The following NRP2 variants were observed in gnomAD, a reference collection of about 807,000 sequenced individuals.
NRP2 encodes neuropilin-2.
NRP2 carries 52 observed loss-of-function variants against 110.4 expected under a neutral mutation model. The observed-to-expected ratio is 0.47, with a 90% confidence interval of 0.38 to 0.59. NRP2 has a LOEUF of 0.59. Among genes scored for constraint, NRP2 ranks in the 20% least tolerant of loss-of-function variants. NRP2 has a pLI of 0.00. For synonymous variants in NRP2, 508 were observed against 468.9 expected (o/e 1.08, Z -1.08); for missense variants, 1,049 against 1,203.0 (o/e 0.87, Z 1.89).
At chr2:205,749,467 C>T (rs1283505838) in intron 10 of NRP2, among the ~76,000 whole-genome samples, 1 of 152,110 alleles carries the variant, frequency 6.6e-6, no homozygotes, top group Non-Finnish European at 1.5e-5. Flanking sequence ...GTGCTAAACT[C>T]GGGGCCTCTG....
chr2:205,777,113 TG>T, intron 15 of NRP2: 1 of 987,636 alleles, frequency 1.0e-6, no homozygotes, highest in South Asian at 4.7e-5. Flanking sequence ...GTACAAGTTT[TG>T]TTTACTTGGA....
rs995878424 is a variant in NRP2, at chr2:205,689,657, T to C, written c.73+6294T>C. The stretch of plus-strand genomic sequence containing the variant: ...CTGCTGAGTTCTTATCTTAGATTTA[T>C]GTCTCCCTTGCATTTTTTCCCTCCT... On this transcript the variant is annotated intron_variant, in intron 1 of 16. Transcript: ENST00000357785. 3.8e-4 allele frequency among the ~76,000 whole-genome samples: 58 copies of C among 152,366 alleles called. 1 individual carries two copies. Among genetic ancestry groups the C allele is most frequent in the African/African-American group, 1.3e-3 (54 of 41,580 alleles).
chr2:205,722,439 C>A (rs2105811117), intron 3 of NRP2, 39 bp from the exon 4 acceptor site: 1 of 1,485,726 alleles, frequency 6.7e-7, no homozygotes. Context: ...CAAAGAAAGG[C>A]ATCTTCTTCT....
At chr2:205,745,928 A>C (rs749465877) in intron 10 of NRP2, 38 bp downstream of exon 10, 3 of 1,612,548 alleles carry the variant, frequency 1.9e-6, no homozygotes, top group South Asian at 1.1e-5. Context: ...TCTCACCCAC[A>C]TGGTCCTCTG....
At chr2:205,773,799 A>G (rs1471980585) in intron 15 of NRP2, among the ~76,000 whole-genome samples, 1 of 152,220 alleles carries the variant, frequency 6.6e-6, no homozygotes, top group African/African-American at 2.4e-5. Flanking sequence ...GGCTGAAGGA[A>G]AGCAGACTTT....
At chr2:205,774,034 G>A (rs2058061560) in intron 15 of NRP2, among the ~76,000 whole-genome samples, 1 of 152,204 alleles carries the variant, frequency 6.6e-6, no homozygotes, top group South Asian at 2.1e-4. Flanking sequence ...CAAACCCCAG[G>A]ACACCCTTTG....
At chr2:205,710,650 A>G (rs1315433187) in intron 2 of NRP2, among the ~76,000 whole-genome samples, 1 of 152,240 alleles carries the variant, frequency 6.6e-6, no homozygotes, top group Non-Finnish European at 1.5e-5. Context: ...AACCGACCAG[A>G]GACCTCAGCA....
At chr2:205,779,053 A>T (rs959083648) in intron 15 of NRP2, 1 of 152,264 alleles carries the variant, frequency 6.6e-6, no homozygotes, top group East Asian at 1.9e-4. Flanking sequence ...ATTCTCTTCT[A>T]AGAAAAATAG....
chr2:205,741,323 G>C (rs942481017), intron 8 of NRP2, among the ~76,000 whole-genome samples: 2 of 152,244 alleles, frequency 1.3e-5, no homozygotes, highest in Non-Finnish European at 2.9e-5. Flanking sequence ...CTTTGAGGAG[G>C]TGATGATTGA....
chr2:205,775,055 C>T (rs542094388), intron 15 of NRP2, among the ~76,000 whole-genome samples: 1 of 152,182 alleles, frequency 6.6e-6, no homozygotes, highest in Non-Finnish European at 1.5e-5. Flanking sequence ...GCACTTCCCA[C>T]CCATGGCTCC....
At position 205,686,522 on chromosome 2, in the gene NRP2, A is replaced by T. The variant is rs2056167772; in HGVS notation, c.73+3159A>T. Reference sequence around the variant, plus strand: ...ATTGAAGGGCTGCCCCCGCCCTTCGACTCGGGCTGGCTGTGCCGGGGGTCT... The same window carrying T: ...ATTGAAGGGCTGCCCCCGCCCTTCGTCTCGGGCTGGCTGTGCCGGGGGTCT... On this transcript the variant is annotated intron_variant, in intron 1 of 16. Transcript: ENST00000357785. The surrounding 1 kb of genome is among the most constrained non-coding windows in gnomAD (Gnocchi z 4.7). Among the ~76,000 whole-genome samples, 1 of 151,936 alleles carries T rather than the reference A, an allele frequency of 6.6e-6. No homozygotes were observed. The highest frequency in any genetic ancestry group is 2.4e-5 in the African/African-American group (1 of 41,344).
chr2:205,742,279 A>G (rs1219869079), intron 8 of NRP2, among the ~76,000 whole-genome samples: 1 of 152,236 alleles, frequency 6.6e-6, no homozygotes, highest in African/African-American at 2.4e-5. Flanking sequence ...CATTTGTTCC[A>G]CACATCTGAT....
chr2:205,793,952 G>A (rs1366217914), intron 16 of NRP2, among the ~76,000 whole-genome samples: 1 of 152,076 alleles, frequency 6.6e-6, no homozygotes. Context: ...AACTCATCAT[G>A]TGCAAATAGT....
chr2:205,719,709 C>T (rs1373726015), intron 3 of NRP2, among the ~76,000 whole-genome samples: 2 of 152,156 alleles, frequency 1.3e-5, no homozygotes, highest in Admixed American at 1.3e-4. Context: ...AATTCAGGAA[C>T]TGAATTCACC....
At chr2:205,753,642 A>G (rs553651891) in intron 12 of NRP2, among the ~76,000 whole-genome samples, 72 of 152,374 alleles carry the variant, frequency 4.7e-4, no homozygotes, top group African/African-American at 1.6e-3. Context: ...ACAGGTAGCA[A>G]GAGTTGTCTG....
chr2:205,693,980 G>T (rs1470815167), intron 1 of NRP2, among the ~76,000 whole-genome samples: 2 of 152,156 alleles, frequency 1.3e-5, no homozygotes, highest in Non-Finnish European at 2.9e-5. Context: ...TTTCTAGAAG[G>T]CAGACCAGAT....
At chr2:205,740,854 C>A (rs1298663441) in intron 8 of NRP2, among the ~76,000 whole-genome samples, 191 bp downstream of exon 8, 1 of 152,208 alleles carries the variant, frequency 6.6e-6, no homozygotes, top group Admixed American at 6.5e-5. Flanking sequence ...TCTACGATTT[C>A]TATTAATAGC....
In NRP2 at chr2:205,736,785, G is replaced by A. The variant is rs151193743; in HGVS notation, c.1147-3734G>A. Among the ~76,000 whole-genome samples, 15 of 152,272 alleles carry A rather than the reference G, an allele frequency of 9.9e-5. No homozygotes were observed. The East Asian group carries it at 1.7e-3, about 18-fold the overall frequency. ...TAGGGAATAAAACCAATTTCCTGGC[G>A]TCATTTCCCATGCACACAACCCCTT... On this transcript the variant is annotated intron_variant, in intron 7 of 16. Transcript: ENST00000357785.
intron 1 of NRP2, among the ~76,000 whole-genome samples, chr2:205,689,797 G>A (rs1322961640): frequency 6.6e-6 from 1 of 151,940 alleles, no homozygotes; most frequent in African/African-American, 2.4e-5. Context: ...AGGGAACACC[G>A]TGTTTAAGGC....
Sources: allele counts gnomAD v4.1 joint callset (sites outside exome capture counted in the v4.1 genomes callset), GRCh38; gene constraint gnomAD v4.1.1; non-coding constraint Gnocchi (gnomAD v3.1); transcripts MANE v1.5; gene names NCBI Gene and HGNC (gene_info 2026-07-23, HGNC 2026-07-21).